The following SATB2 variants were observed in gnomAD, a reference collection of about 807,000 sequenced individuals.
The protein encoded by SATB2 is DNA-binding protein SATB2.
A neutral mutation model predicts 73.4 loss-of-function variants in SATB2; 1 was observed. That is an observed-to-expected ratio of 0.01 (90% CI 0.00 to 0.06). The LOEUF (loss-of-function observed/expected upper bound fraction) is 0.06, where lower values mean the gene tolerates loss of function less well. Ranked by LOEUF, SATB2 falls within the 10% of genes least tolerant of loss-of-function variation. The pLI, the probability that SATB2 is intolerant of heterozygous loss-of-function variation, is 1.00. For synonymous variants in SATB2, 397 were observed against 367.0 expected (o/e 1.08, Z -0.93); for missense variants, 459 against 945.8 (o/e 0.49, Z 6.75).
upstream of SATB2, chr2:199,458,366 G>A (rs11683179): frequency 9.6e-5 from 28 of 292,074 alleles, no homozygotes; most frequent in African/African-American, 4.2e-4. Flanking sequence ...AGGGAGGAGG[G>A]AAGAGGAAGG....
At chr2:199,384,910 T>C (rs1168177535) in intron 3 of SATB2, among the ~76,000 whole-genome samples, 1 of 152,214 alleles carries the variant, frequency 6.6e-6, no homozygotes, top group African/African-American at 2.4e-5. Flanking sequence ...ATATAGTCAG[T>C]TTATTTCAAA....
intron 10 of SATB2, among the ~76,000 whole-genome samples, chr2:199,275,038 C>G (rs1432686061): frequency 1.3e-5 from 2 of 152,074 alleles, no homozygotes; most frequent in African/African-American, 4.8e-5. Context: ...CATGAGTACT[C>G]CCCATTAGAG....
Position 199,272,612 on chromosome 2 carries a change from G to A in SATB2, c.1801C>T (p.Pro601Ser). 2 of 1,614,098 alleles carry A rather than the reference G, an allele frequency of 1.2e-6. No individual in the cohort carries two copies. Among genetic ancestry groups the A allele is most frequent in the South Asian group, 2.2e-5 (2 of 91,088 alleles). ...TCTTCAGTCGGAGGAGGTGGGGGAG[G>A]CGCTTCTTCTCTGGGAGGGGAACTC... The part of the protein sequence containing the change: ...KESSPPREEA[P>S]PPPPPTEDSC... Residue 601 changes from proline to serine, a missense_variant, in exon 11 of 11, where the codon CCT (proline) becomes TCT (serine). This residue lies in a region of SATB2 where 74 missense variants were observed against 136.1 expected (regional missense o/e 0.54). Transcript: ENST00000417098. This position sits in a 1 kb window ranked among gnomAD's most constrained non-coding sequence, Gnocchi z 6.7.
chr2:199,386,710 GCGCGCGCACACACACACACACACA>G lies in SATB2; in HGVS notation c.347-4914_347-4891del, dbSNP rs745475923. On this transcript the variant is annotated intron_variant, in intron 3 of 10. Coordinates refer to ENST00000417098, the MANE Select transcript of SATB2 (RefSeq NM_001172509.2). ...CACGTGCGCAAGCGCGCGCGCGCGC[GCGCGCGCACACACACACACACACA>G]CACACACACACACACACACACACAC... Among the ~76,000 whole-genome samples the G allele has an allele frequency of 5.1e-3, 462 of 90,596 alleles. 4 individuals carry two copies. The highest frequency in any genetic ancestry group is 0.01 in the African/African-American group (243 of 23,484). 59.4% of individuals were successfully genotyped at this position (90,596 alleles called of 152,430 possible).
At chr2:199,348,637 T>C in intron 7 of SATB2, 64 bp downstream of exon 7, 2 of 1,254,616 alleles carry the variant, frequency 1.6e-6, no homozygotes, top group South Asian at 1.3e-5. Flanking sequence ...TAAAAATAAT[T>C]ATAACCTATC....
chr2:199,358,522 T>C (rs1419409996), intron 6 of SATB2, among the ~76,000 whole-genome samples: 1 of 152,142 alleles, frequency 6.6e-6, no homozygotes, highest in Non-Finnish European at 1.5e-5. Context: ...GATTTTGTTT[T>C]TCTCTAAATT....
rs1692095078 is a variant in SATB2 at position 199,269,689 on chromosome 2, TC to T, written c.*2521del. The stretch of plus-strand genomic sequence containing the variant: ...CGCAATAAAACACAATTTGTTTTTT[TC>T]ATTTCACAAAAAAAAAAAAAGGCGG... On this transcript the variant is annotated 3_prime_UTR_variant, in exon 11 of 11. Transcript: ENST00000417098. 4 of 80,832 alleles carry T rather than the reference TC, an allele frequency of 4.9e-5. No individual in the cohort carries two copies. The South Asian group carries it at 2.9e-3, about 58-fold the overall frequency. 5.0% of individuals were successfully genotyped at this position (80,832 alleles called of 1,614,324 possible).
chr2:199,337,244 G>A lies in SATB2; in HGVS notation c.1174-8334C>T, dbSNP rs1367324664. Among the ~76,000 whole-genome samples, 6 of 152,102 alleles carry A rather than the reference G, an allele frequency of 3.9e-5. 1 individual carries two copies. In the East Asian group the frequency reaches 5.8e-4, roughly 15 times the overall value. On this transcript the variant is annotated intron_variant, in intron 7 of 10. Transcript: ENST00000417098. ...AGAAAAATGTAATAAATTATATGAT[G>A]CAAAATGACCACATGAATATTCTAG...
intron 3 of SATB2, among the ~76,000 whole-genome samples, chr2:199,386,702 GCGCGCGCGCGCGCGCACACACA>G (rs1279130465): frequency 5.3e-4 from 9 of 17,108 alleles, no homozygotes; most frequent in East Asian, 4.9e-3. Context: ...GCAAGCGCGC[GCGCGCGCGCGCGCGCACACACA>G]CACACACACA....
upstream of SATB2, among the ~76,000 whole-genome samples, chr2:199,461,271 C>G (rs1030554885): frequency 1.3e-5 from 2 of 152,160 alleles, no homozygotes; most frequent in Non-Finnish European, 2.9e-5. Context: ...CTTTTTACTG[C>G]ACAATTTTTG....
intron 2 of SATB2, among the ~76,000 whole-genome samples, chr2:199,452,407 C>G (rs914329623): frequency 6.6e-6 from 1 of 152,144 alleles, no homozygotes. Flanking sequence ...GCATCACTTT[C>G]ATTTTATGCT....
At chr2:199,342,895 T>A (rs1187593789) in intron 7 of SATB2, among the ~76,000 whole-genome samples, 1 of 152,174 alleles carries the variant, frequency 6.6e-6, no homozygotes, top group Non-Finnish European at 1.5e-5. Context: ...TCTATTCTCT[T>A]AACTGTGTTA....
At chr2:199,439,106 G>A (rs1304938396) in intron 2 of SATB2, among the ~76,000 whole-genome samples, 1 of 152,248 alleles carries the variant, frequency 6.6e-6, no homozygotes, top group East Asian at 1.9e-4. Context: ...CCAGGTGTCT[G>A]GCACCATGCT....
chr2:199,428,615 G>A lies in SATB2; in HGVS notation c.346+4723C>T, dbSNP rs576320058. Among the ~76,000 whole-genome samples, 5 of 152,242 alleles carry A rather than the reference G, an allele frequency of 3.3e-5. No individual in the cohort carries two copies. In the South Asian group the frequency reaches 6.2e-4, roughly 19 times the overall value. On this transcript the variant is annotated intron_variant, in intron 3 of 10. Transcript: ENST00000417098. The stretch of plus-strand genomic sequence containing the variant: ...GCCTCAGTTTCCTCTTCTGTGAAAC[G>A]GGAAATGTATAACTTACTTCAAAAG...
At chr2:199,444,580 A>G (rs1691910643) in intron 2 of SATB2, among the ~76,000 whole-genome samples, 1 of 152,186 alleles carries the variant, frequency 6.6e-6, no homozygotes, top group Non-Finnish European at 1.5e-5. Flanking sequence ...TCCCCCTAGA[A>G]AGCCAGTTTC....
chr2:199,314,294 G>A (rs1687671271), intron 9 of SATB2, among the ~76,000 whole-genome samples: 3 of 152,112 alleles, frequency 2.0e-5, no homozygotes, highest in Admixed American at 2.0e-4. Context: ...AAAATTATTA[G>A]AGTACACAGA....
At chr2:199,300,707 G>A (rs1687263438) in intron 10 of SATB2, among the ~76,000 whole-genome samples, 2 of 152,026 alleles carry the variant, frequency 1.3e-5, no homozygotes, top group Non-Finnish European at 2.9e-5. Flanking sequence ...AAGAGAGTAA[G>A]GTGCAGGAAT....
chr2:199,314,588 CT>C (rs1269769011), intron 9 of SATB2, among the ~76,000 whole-genome samples: 2 of 152,062 alleles, frequency 1.3e-5, no homozygotes. Context: ...GTCATTGTTA[CT>C]TTTTACTTGA....
chr2:199,469,011 C>T (rs1220406733), upstream of SATB2: 1 of 152,256 alleles, frequency 6.6e-6, no homozygotes, highest in East Asian at 1.9e-4. Flanking sequence ...GCGGGCGTCT[C>T]GAAGGGACTG....
Sources: gnomAD v4.1 joint callset for allele counts (sites outside exome capture counted in the v4.1 genomes callset) on GRCh38, gnomAD v4.1.1 for gene constraint, gnomAD v4.1.1 regional missense constraint, Gnocchi (gnomAD v3.1) non-coding constraint, MANE v1.5 for transcripts, NCBI Gene and HGNC (gene_info 2026-07-23, HGNC 2026-07-21) for gene names.